Variants in DLC1 observed in about 807,000 individuals in gnomAD.
DLC1 encodes rho GTPase-activating protein 7.
Under a neutral mutation model 140.3 loss-of-function variants are expected in DLC1, and 54 were observed. That is an observed-to-expected ratio of 0.38 (90% CI 0.31 to 0.48). DLC1 has a LOEUF of 0.48. Ranked by LOEUF, DLC1 falls within the 20% of genes least tolerant of loss-of-function variation. DLC1 has a pLI of 0.96. For missense variants in DLC1, 2,536 were observed against 1,907.0 expected (o/e 1.33, Z -6.14); for synonymous variants, 986 against 728.1 (o/e 1.35, Z -5.70).
At chr8:13,542,593 A>T (rs1485744553) in intron 1 of DLC1, among the ~76,000 whole-genome samples, 1 of 152,140 alleles carries the variant, frequency 6.6e-6, no homozygotes, top group Non-Finnish European at 1.5e-5. Flanking sequence ...ATCAAATGTC[A>T]CCTCAACACT....
chr8:13,107,643 A>G (rs1819675181), intron 7 of DLC1, among the ~76,000 whole-genome samples: 1 of 152,370 alleles, frequency 6.6e-6, no homozygotes, highest in Admixed American at 6.5e-5. Context: ...CCATAGGCCA[A>G]GAAGGTATTT....
At chr8:13,579,361 A>ATATTT (rs1236395843) in intron 1 of DLC1, among the ~76,000 whole-genome samples, 4 of 25,486 alleles carry the variant, frequency 1.6e-4, no homozygotes, top group East Asian at 1.9e-3. Flanking sequence ...ATATATATAT[A>ATATTT]TTTTTATATA....
At chr8:13,098,691 C>T in intron 9 of DLC1, 116 bp from the exon 10 acceptor site, 1 of 1,163,720 alleles carries the variant, frequency 8.6e-7, no homozygotes, top group Non-Finnish European at 1.2e-6. Context: ...TCACAGCTCA[C>T]TGCAGCCTTG....
intron 5 of DLC1, among the ~76,000 whole-genome samples, chr8:13,259,506 G>T (rs1358407461): frequency 1.3e-5 from 2 of 152,174 alleles, no homozygotes; most frequent in Non-Finnish European, 2.9e-5. Flanking sequence ...TGTCTATGGG[G>T]TGTGAGGAAG....
Position 13,453,406 on chromosome 8 carries a change from A to ATATATATATATATATATATATATGTGTG in DLC1, c.1023+45642_1023+45643insCACACATATATATATATATATATATATA, listed in dbSNP as rs1554523014. ...GCCCAGGATATATATATATATGTGTATATATATATATATATATGTGTATAT... is the reference window on the plus strand; with the variant it reads ...GCCCAGGATATATATATATATGTGTATATATATATATATATATATATATGTGTGTATATATATATATATATGTGTATAT... On this transcript the variant is annotated intron_variant, in intron 2 of 17. Transcript: ENST00000276297. 2.3e-3 allele frequency among the ~76,000 whole-genome samples: 104 copies of ATATATATATATATATATATATATGTGTG among 44,674 alleles called. 6 individuals are homozygous for ATATATATATATATATATATATATGTGTG. The highest frequency in any genetic ancestry group is 0.01 in the African/African-American group (75 of 7,470). The allele number at this position is 44,674 out of a possible 152,430, so 29.3% of individuals were successfully genotyped here. A position where few individuals can be genotyped will look rare whatever the true frequency, so the allele number is the denominator to read the frequency against.
chr8:13,318,170 A>G (rs1832932057), intron 4 of DLC1, among the ~76,000 whole-genome samples: 1 of 151,212 alleles, frequency 6.6e-6, no homozygotes, highest in Non-Finnish European at 1.5e-5. Context: ...TAGGACTAGC[A>G]TGCACCACTA....
At chr8:13,250,961 T>A (rs1355760706) in intron 5 of DLC1, among the ~76,000 whole-genome samples, 1 of 152,198 alleles carries the variant, frequency 6.6e-6, no homozygotes, top group Non-Finnish European at 1.5e-5. Flanking sequence ...TGTGTAAGTC[T>A]ACTGGGGCTG....
chr8:13,463,868 A>T (rs1799800539), intron 2 of DLC1, among the ~76,000 whole-genome samples: 1 of 152,180 alleles, frequency 6.6e-6, no homozygotes, highest in South Asian at 2.1e-4. Flanking sequence ...AGGGGACACG[A>T]AAGAGCTCAG....
chr8:13,387,080 G>A (rs113075264), intron 4 of DLC1, among the ~76,000 whole-genome samples: 2,020 of 152,022 alleles, frequency 0.013, 65 homozygotes, highest in African/African-American at 0.045. Context: ...TGAAGAAGTT[G>A]TCTAAACTTC....
intron 2 of DLC1, among the ~76,000 whole-genome samples, chr8:13,468,374 C>A (rs1041695269): frequency 1.5e-5 from 2 of 136,306 alleles, no homozygotes; most frequent in East Asian, 4.6e-4. Context: ...CTCCCCTCTC[C>A]TTTTCTGTCT....
chr8:13,313,667 G>C (rs1431886470), intron 4 of DLC1, among the ~76,000 whole-genome samples: 1 of 152,242 alleles, frequency 6.6e-6, no homozygotes, highest in East Asian at 1.9e-4. Context: ...ACAAATATAG[G>C]TTGTCTGTCT....
At chr8:13,345,546 A>ATTTTT (rs1490773993) in intron 4 of DLC1, among the ~76,000 whole-genome samples, 3 of 44,654 alleles carry the variant, frequency 6.7e-5, no homozygotes, top group South Asian at 1.1e-3. Flanking sequence ...TTTCACTCAC[A>ATTTTT]CTTTTTTTTT....
chr8:13,396,500 C>T (rs769407302), intron 3 of DLC1, among the ~76,000 whole-genome samples: 1 of 152,142 alleles, frequency 6.6e-6, no homozygotes, highest in African/African-American at 2.4e-5. Flanking sequence ...ACAGACAAGG[C>T]TTTACAACCA....
At chr8:13,125,031 C>T (rs995473336) in intron 5 of DLC1, among the ~76,000 whole-genome samples, 1 of 151,986 alleles carries the variant, frequency 6.6e-6, no homozygotes, top group Non-Finnish European at 1.5e-5. Flanking sequence ...CGCTGGAGTG[C>T]AGTAGCACAA....
chr8:13,592,499 A>G (rs895023400), intron 1 of DLC1, among the ~76,000 whole-genome samples: 2 of 152,078 alleles, frequency 1.3e-5, no homozygotes, highest in African/African-American at 4.8e-5. Context: ...TTTTCCATCC[A>G]AAACCTAACA....
intron 5 of DLC1, among the ~76,000 whole-genome samples, chr8:13,144,118 C>G (rs1014272912): frequency 6.6e-6 from 1 of 152,172 alleles, no homozygotes; most frequent in Non-Finnish European, 1.5e-5. Context: ...AATCAGTGGA[C>G]TAAGAAAGAT....
intron 1 of DLC1, among the ~76,000 whole-genome samples, chr8:13,593,538 A>C (rs544638680): frequency 1.8e-4 from 27 of 152,216 alleles, no homozygotes; most frequent in Middle Eastern, 3.4e-3. Flanking sequence ...CCTGGATGCC[A>C]AAGACAGGCT....
intron 2 of DLC1, among the ~76,000 whole-genome samples, chr8:13,475,487 A>G (rs1339893810): frequency 2.0e-5 from 3 of 152,214 alleles, no homozygotes; most frequent in Non-Finnish European, 4.4e-5. Context: ...CCCAGAAGCC[A>G]TGGAGATTTT....
chr8:13,090,565 G>C (rs868030083), intron 14 of DLC1, 95 bp from the exon 15 acceptor site: 2 of 1,433,382 alleles, frequency 1.4e-6, no homozygotes, highest in African/African-American at 1.4e-5. Context: ...ACAATGGCCT[G>C]GTCCTTAAAG....
Sources: gnomAD v4.1 joint callset for allele counts (sites outside exome capture counted in the v4.1 genomes callset) on GRCh38, gnomAD v4.1.1 for gene constraint, MANE v1.5 for transcripts, NCBI Gene and HGNC (gene_info 2026-07-23, HGNC 2026-07-21) for gene names.